Variants in F13A1 observed in about 807,000 individuals in gnomAD.
The protein encoded by F13A1 is coagulation factor XIII A chain, also known as FSF, A subunit.
F13A1 carries 47 observed loss-of-function variants against 80.1 expected under a neutral mutation model. The ratio of observed to expected loss-of-function variants is 0.59; its 90% confidence interval spans 0.46 to 0.75. The LOEUF (loss-of-function observed/expected upper bound fraction) is 0.75, where lower values mean the gene tolerates loss of function less well. Among genes scored for constraint, F13A1 ranks in the 30% least tolerant of loss-of-function variants. The probability of loss-of-function intolerance (pLI) is 0.00; values close to 1 mark genes in which losing one functional copy is unlikely to be tolerated. For missense variants in F13A1, 817 were observed against 930.4 expected (o/e 0.88, Z 1.59); for synonymous variants, 349 against 344.9 (o/e 1.01, Z -0.13).
At chr6:6,208,442 A>C (rs1761533101) in intron 8 of F13A1, among the ~76,000 whole-genome samples, 1 of 152,196 alleles carries the variant, frequency 6.6e-6, no homozygotes, top group African/African-American at 2.4e-5. Context: ...TCCTAATGGG[A>C]GTCCCAGAAG....
At chr6:6,203,404 A>T (rs931131414) in intron 8 of F13A1, among the ~76,000 whole-genome samples, 3 of 152,262 alleles carry the variant, frequency 2.0e-5, no homozygotes, top group African/African-American at 7.2e-5. Context: ...AAGGTAGATT[A>T]TCAGGTGGGT....
At chr6:6,175,867 A>G (rs1438240079) in intron 11 of F13A1, among the ~76,000 whole-genome samples, 1 of 152,270 alleles carries the variant, frequency 6.6e-6, no homozygotes, top group Non-Finnish European at 1.5e-5. Flanking sequence ...GGTAACCTCC[A>G]GAAGAAGAAA....
chr6:6,224,665 A>T (rs745808923), intron 7 of F13A1, 21 bp downstream of exon 7: 4 of 1,610,206 alleles, frequency 2.5e-6, no homozygotes, highest in Admixed American at 3.3e-5. Context: ...TTAAAAAGAA[A>T]TTACTCAGTT....
At chr6:6,146,506 C>T (rs550413307) in intron 14 of F13A1, among the ~76,000 whole-genome samples, 1 of 152,280 alleles carries the variant, frequency 6.6e-6, no homozygotes, top group Admixed American at 6.5e-5. Flanking sequence ...ACGAACAAGC[C>T]CACATCAGTG....
chr6:6,151,452 G>C (rs1760372350), intron 14 of F13A1, among the ~76,000 whole-genome samples: 1 of 152,168 alleles, frequency 6.6e-6, no homozygotes, highest in Admixed American at 6.5e-5. Context: ...GTACAGCAAA[G>C]TGGTTCAAAC....
Position 6,182,235 on chromosome 6 carries a change from G to A in F13A1, c.1306-94C>T, listed in dbSNP as rs1377847579. The A allele has an allele frequency of 3.7e-6, 5 of 1,353,014 alleles. No individual in the cohort carries two copies. In the Admixed American group the frequency reaches 7.0e-5, roughly 19 times the overall value. The allele number at this position is 1,353,014 out of a possible 1,614,324, so 83.8% of individuals were successfully genotyped here. A position where few individuals can be genotyped will look rare whatever the true frequency, so the allele number is the denominator to read the frequency against. On this transcript the variant is annotated intron_variant, in intron 10 of 14. Coordinates refer to ENST00000264870, the MANE Select transcript of F13A1 (RefSeq NM_000129.4). The stretch of plus-strand genomic sequence containing the variant: ...ATAGAGCAGTCGTCTAGAGATCTCT[G>A]GAGCTGACATGCCCCTTTCTTCAAC...
intron 6 of F13A1, among the ~76,000 whole-genome samples, chr6:6,239,176 G>C (rs1007606091): frequency 6.6e-6 from 1 of 152,104 alleles, no homozygotes; most frequent in African/African-American, 2.4e-5. Context: ...GTAATGGTAA[G>C]GAAAGCATTG....
At chr6:6,165,932 A>G (rs1194976462) in intron 13 of F13A1, among the ~76,000 whole-genome samples, 2 of 152,256 alleles carry the variant, frequency 1.3e-5, no homozygotes, top group African/African-American at 4.8e-5. Flanking sequence ...AGACATGACA[A>G]TGTAGGCCTT....
intron 2 of F13A1, among the ~76,000 whole-genome samples, chr6:6,309,667 G>C (rs1389372412): frequency 2.0e-5 from 3 of 152,184 alleles, no homozygotes; most frequent in Non-Finnish European, 4.4e-5. Context: ...ATCTGAAACA[G>C]CAAACTGACA....
intron 3 of F13A1, among the ~76,000 whole-genome samples, chr6:6,301,618 G>A (rs1209835144): frequency 6.6e-6 from 1 of 152,102 alleles, no homozygotes; most frequent in East Asian, 1.9e-4. Flanking sequence ...TTTTATTGAG[G>A]GAACAAAAGT....
At chr6:6,315,911 G>A (rs935188167) in intron 2 of F13A1, among the ~76,000 whole-genome samples, 2 of 150,846 alleles carry the variant, frequency 1.3e-5, no homozygotes, top group African/African-American at 4.9e-5. Context: ...TTCTTTCCAA[G>A]GTTTAGTCGC....
Position 6,243,091 on chromosome 6 carries a change from T to A in F13A1, c.798+5221A>T, listed in dbSNP as rs1757504436. ...GTCAAACAAATGAGTAAATACTGAG[T>A]GTTTTACCACCATCACCACCACCAC... On this transcript the variant is annotated intron_variant, in intron 6 of 14. Transcript: ENST00000264870. The surrounding 1 kb of genome is among the most constrained non-coding windows in gnomAD (Gnocchi z 4.2). Among the ~76,000 whole-genome samples the A allele has an allele frequency of 1.3e-5, 2 of 151,962 alleles. No individual in the cohort carries two copies. Among genetic ancestry groups the A allele is most frequent in the South Asian group, 4.2e-4 (2 of 4,810 alleles).
intron 3 of F13A1, among the ~76,000 whole-genome samples, chr6:6,286,615 T>C (rs1315054290): frequency 2.0e-5 from 3 of 152,204 alleles, no homozygotes; most frequent in Non-Finnish European, 4.4e-5. Context: ...TAACATACTT[T>C]GGTGCTGTGG....
At chr6:6,226,583 AC>A (rs1757278901) in intron 6 of F13A1, among the ~76,000 whole-genome samples, 1 of 151,926 alleles carries the variant, frequency 6.6e-6, no homozygotes, top group African/African-American at 2.4e-5. Flanking sequence ...ACCTGCCTAG[AC>A]CCCTCTTTTT....
chr6:6,254,443 A>G (rs1405259806), intron 4 of F13A1, among the ~76,000 whole-genome samples: 2 of 152,198 alleles, frequency 1.3e-5, no homozygotes, highest in Non-Finnish European at 2.9e-5. Flanking sequence ...CCAAGCAGCC[A>G]TTAAAAAGAA....
chr6:6,224,030 A>T (rs1757237753), intron 7 of F13A1, among the ~76,000 whole-genome samples: 1 of 152,188 alleles, frequency 6.6e-6, no homozygotes, highest in Admixed American at 6.5e-5. Context: ...CTGAAAAATG[A>T]TGCATGACAC....
At chr6:6,303,969 G>A (rs1758473130) in intron 3 of F13A1, among the ~76,000 whole-genome samples, 1 of 151,912 alleles carries the variant, frequency 6.6e-6, no homozygotes, top group Admixed American at 6.6e-5. Flanking sequence ...TGAATCTGTT[G>A]GGTTTTCTAC....
chr6:6,275,987 A>G (rs1257064901), intron 3 of F13A1, among the ~76,000 whole-genome samples: 1 of 152,244 alleles, frequency 6.6e-6, no homozygotes, highest in Non-Finnish European at 1.5e-5. Context: ...TACACTGCAG[A>G]TTTGTTCACG....
chr6:6,183,446 G>T (rs750543759), intron 10 of F13A1, among the ~76,000 whole-genome samples: 1 of 152,228 alleles, frequency 6.6e-6, no homozygotes, highest in African/African-American at 2.4e-5. Context: ...GCTGCCATTA[G>T]AGAGTTTATG....
Sources: gnomAD v4.1 joint callset for allele counts (sites outside exome capture counted in the v4.1 genomes callset) on GRCh38, gnomAD v4.1.1 for gene constraint, Gnocchi (gnomAD v3.1) non-coding constraint, MANE v1.5 for transcripts, NCBI Gene and HGNC (gene_info 2026-07-23, HGNC 2026-07-21) for gene names.